Variants in MMP26 observed in about 807,000 individuals in gnomAD.
The protein encoded by MMP26 is matrix metalloproteinase-26.
A neutral mutation model predicts 31.0 loss-of-function variants in MMP26; 33 were observed. The observed-to-expected ratio is 1.06, with a 90% CI of 0.81 to 1.42. The LOEUF is 1.42. Ranked by LOEUF, MMP26 falls within the 40% of genes most tolerant of loss-of-function variation. The probability of loss-of-function intolerance (pLI) is 0.00; values close to 1 mark genes in which losing one functional copy is unlikely to be tolerated. For missense variants in MMP26, 347 were observed against 316.1 expected (o/e 1.10, Z -0.74); for synonymous variants, 122 against 114.9 (o/e 1.06, Z -0.40).
chr11:4,822,328 A>G, intron 2 of MMP26: 1 of 1,499,982 alleles, frequency 6.7e-7, no homozygotes, highest in South Asian at 1.4e-5. Context: ...GCAGATTCAA[A>G]AGGCCATTAT....
chr11:4,762,137 G>A (rs1256303939), intron 1 of MMP26, among the ~76,000 whole-genome samples: 1 of 152,136 alleles, frequency 6.6e-6, no homozygotes. Flanking sequence ...GATAAGTACT[G>A]ATGAATACCA....
chr11:4,709,035 T>A (rs1412198395), intron 1 of MMP26, among the ~76,000 whole-genome samples: 1 of 152,216 alleles, frequency 6.6e-6, no homozygotes, highest in East Asian at 1.9e-4. Flanking sequence ...TATTGTGTAT[T>A]CATTTGATCA....
In MMP26 at chr11:4,828,460, C is replaced by A. The variant is rs555241546; in HGVS notation, c.-145+61119C>A. ...TAATAGGTCATCAAGAAATACACAT[C>A]AAATAAATGAATGATGATGGCAATA... is the stretch of plus-strand genomic sequence containing the variant. On this transcript the variant is annotated intron_variant, in intron 2 of 7. Coordinates refer to ENST00000380390, the MANE Select transcript of MMP26 (RefSeq NM_021801.5). Among the ~76,000 whole-genome samples the A allele has an allele frequency of 2.6e-5, 4 of 152,210 alleles. No homozygotes were observed. The South Asian group carries it at 8.3e-4, about 32-fold the overall frequency.
At chr11:4,796,155 C>T (rs1343034699) in intron 2 of MMP26, among the ~76,000 whole-genome samples, 1 of 152,336 alleles carries the variant, frequency 6.6e-6, no homozygotes, top group East Asian at 1.9e-4. Context: ...TGTTGCTCTA[C>T]AGCATCGCTT....
chr11:4,977,958 C>T (rs1267852386), intron 2 of MMP26, among the ~76,000 whole-genome samples: 1 of 151,950 alleles, frequency 6.6e-6, no homozygotes. Context: ...GTCCAGGTGT[C>T]CAGGGAAAGA....
At chr11:4,709,578 T>G (rs1197700996) in intron 1 of MMP26, 7 of 449,068 alleles carry the variant, frequency 1.6e-5, no homozygotes, top group Admixed American at 1.2e-4. Context: ...CATGCCATCC[T>G]TCAACCAGAG....
chr11:4,965,286 G>A (rs1473267356), intron 2 of MMP26, among the ~76,000 whole-genome samples: 2 of 152,090 alleles, frequency 1.3e-5, no homozygotes, highest in Non-Finnish European at 2.9e-5. Context: ...CTAGCAAGCC[G>A]AGATCCTTGG....
chr11:4,806,104 A>G (rs1849265732), intron 2 of MMP26, among the ~76,000 whole-genome samples: 1 of 152,078 alleles, frequency 6.6e-6, no homozygotes, highest in African/African-American at 2.4e-5. Flanking sequence ...CTTTTCCTAA[A>G]TTTCTCTTAC....
At chr11:4,830,024 G>A (rs537780060) in intron 2 of MMP26, among the ~76,000 whole-genome samples, 8 of 152,296 alleles carry the variant, frequency 5.3e-5, no homozygotes, top group South Asian at 4.1e-4. Flanking sequence ...AGACATTGAT[G>A]AGACAAATCA....
chr11:4,775,402 G>T (rs78341823), intron 2 of MMP26, among the ~76,000 whole-genome samples: 1 of 152,116 alleles, frequency 6.6e-6, no homozygotes, highest in Non-Finnish European at 1.5e-5. Context: ...GTGAATGGGA[G>T]TTCATTCATT....
intron 2 of MMP26, chr11:4,769,005 T>C (rs1848668790): frequency 1.3e-6 from 2 of 1,518,088 alleles, no homozygotes; most frequent in Non-Finnish European, 8.8e-7. Context: ...AGACTGAGCA[T>C]AGCCTTGCGG....
intron 1 of MMP26, among the ~76,000 whole-genome samples, chr11:4,760,721 A>G (rs556095388): frequency 6.6e-6 from 1 of 152,272 alleles, no homozygotes; most frequent in African/African-American, 2.4e-5. Flanking sequence ...GACCCAAAAG[A>G]TGTGGTCATT....
At position 4,923,523 on chromosome 11, in the gene MMP26, C is replaced by T. The variant is rs565245626; in HGVS notation, c.-144-64545C>T. On this transcript the variant is annotated intron_variant, in intron 2 of 7. Coordinates refer to ENST00000380390, the MANE Select transcript of MMP26 (RefSeq NM_021801.5). The stretch of plus-strand genomic sequence containing the variant: ...ACATAGGACATGAAGAGGTGTACAA[C>T]GCGGGGCAGATGTTCACCAAAGCGA... 7.2e-5 allele frequency: 116 copies of T among 1,614,022 alleles called. No individual in the cohort carries two copies. The highest frequency in any genetic ancestry group is 4.9e-4 in the Middle Eastern group (3 of 6,062).
At chr11:4,955,280 T>G (rs1349047770) in intron 2 of MMP26, 1 of 1,233,062 alleles carries the variant, frequency 8.1e-7, no homozygotes, top group Non-Finnish European at 1.1e-6. Flanking sequence ...TATCCCTATT[T>G]GGGCAACTCT....
In MMP26 at chr11:4,868,062, A is replaced by G. The variant is rs181417332; in HGVS notation, c.-145+100721A>G. On this transcript the variant is annotated intron_variant, in intron 2 of 7. Coordinates refer to ENST00000380390, the MANE Select transcript of MMP26 (RefSeq NM_021801.5). ...ATATACCATGTAATACTATGGAGCC[A>G]TAAAAAGGAATGAAATCATGTCCTT... Among the ~76,000 whole-genome samples the G allele has an allele frequency of 1.3e-4, 20 of 152,308 alleles. 1 individual carries two copies. In the East Asian group the frequency reaches 3.9e-3, roughly 29 times the overall value.
intron 1 of MMP26, 143 bp from the exon 2 acceptor site, chr11:4,767,127 C>T (rs1464560705): frequency 6.6e-6 from 1 of 152,018 alleles, no homozygotes; most frequent in East Asian, 1.9e-4. Flanking sequence ...CTGGGGAAAG[C>T]TGAAGAAGAG....
intron 2 of MMP26, chr11:4,859,847 G>A (rs752264710): frequency 8.5e-6 from 4 of 471,234 alleles, no homozygotes; most frequent in Non-Finnish European, 1.8e-5. Context: ...CATGTGCTGA[G>A]GGTTTTCAGC....
At chr11:4,866,590 A>G (rs1482249435) in intron 2 of MMP26, among the ~76,000 whole-genome samples, 1 of 152,108 alleles carries the variant, frequency 6.6e-6, no homozygotes, top group African/African-American at 2.4e-5. Flanking sequence ...CTATTTTAAA[A>G]TTCATATGGA....
chr11:4,982,858 G>A (rs564905166), intron 2 of MMP26, among the ~76,000 whole-genome samples: 19 of 152,126 alleles, frequency 1.2e-4, no homozygotes, highest in Admixed American at 3.3e-4. Context: ...TTTTCCCAGC[G>A]TTCCTACAAC....
Sources: gnomAD v4.1 joint callset for allele counts (sites outside exome capture counted in the v4.1 genomes callset) on GRCh38, gnomAD v4.1.1 for gene constraint, MANE v1.5 for transcripts, NCBI Gene and HGNC (gene_info 2026-07-23, HGNC 2026-07-21) for gene names.